The following POFUT3 variants were observed in gnomAD, a reference collection of about 807,000 sequenced individuals.
The protein encoded by POFUT3 is GDP-fucose protein O-fucosyltransferase 3.
the POFUT3 span, among the ~76,000 whole-genome samples, chr8:33,434,585 C>CT: frequency 1.3e-5 from 2 of 152,086 alleles, no homozygotes; most frequent in South Asian, 2.1e-4. Flanking sequence ...AAGCTATTAC[C>CT]TTTTTTCCCC....
the POFUT3 span, among the ~76,000 whole-genome samples, chr8:33,436,110 G>T: frequency 1.3e-5 from 2 of 152,092 alleles, no homozygotes; most frequent in African/African-American, 4.8e-5. Flanking sequence ...CAGGAAAATG[G>T]GCAGGAGAGG....
the POFUT3 span, among the ~76,000 whole-genome samples, chr8:33,424,051 C>T: frequency 6.6e-6 from 1 of 151,422 alleles, no homozygotes; most frequent in East Asian, 1.9e-4. Flanking sequence ...AGGCAGGAGA[C>T]TTGCTTGAAC....
At chr8:33,410,736 G>A in the POFUT3 span, among the ~76,000 whole-genome samples, 2 of 152,114 alleles carry the variant, frequency 1.3e-5, no homozygotes, top group African/African-American at 4.8e-5. Flanking sequence ...TTATTTCCCG[G>A]TTGGGAAATG....
chr8:33,310,682 C>T, the POFUT3 span, among the ~76,000 whole-genome samples: 8 of 142,256 alleles, frequency 5.6e-5, no homozygotes, highest in Non-Finnish European at 1.2e-4. Context: ...CAGAGCAAGA[C>T]TCCATCTCAA....
At chr8:33,460,288 G>A in the POFUT3 span, among the ~76,000 whole-genome samples, 9 of 152,070 alleles carry the variant, frequency 5.9e-5, no homozygotes, top group Admixed American at 1.3e-4. Flanking sequence ...CAGGGAGGTC[G>A]AGGCTGCAGT....
chr8:33,468,689 G>A, the POFUT3 span, among the ~76,000 whole-genome samples: 3 of 152,154 alleles, frequency 2.0e-5, no homozygotes, highest in African/African-American at 7.2e-5. Flanking sequence ...ATTTCTGCCT[G>A]ATTACTCCAA....
the POFUT3 span, among the ~76,000 whole-genome samples, chr8:33,335,062 G>A: frequency 2.0e-5 from 3 of 151,904 alleles, 1 homozygote; most frequent in African/African-American, 7.3e-5. Context: ...TAAAAATAAG[G>A]CATCTGAAAT....
At chr8:33,406,661 T>C in the POFUT3 span, among the ~76,000 whole-genome samples, 1 of 151,964 alleles carries the variant, frequency 6.6e-6, no homozygotes, top group African/African-American at 2.4e-5. Flanking sequence ...TTTGAACTCC[T>C]GCGCTCAAAC....
At chr8:33,328,449 G>C in the POFUT3 span, among the ~76,000 whole-genome samples, 7 of 152,268 alleles carry the variant, frequency 4.6e-5, no homozygotes, top group Admixed American at 3.9e-4. Context: ...AGGAAAACAG[G>C]TGGAAAACAG....
chr8:33,323,229 T>C, the POFUT3 span, among the ~76,000 whole-genome samples: 1 of 152,214 alleles, frequency 6.6e-6, no homozygotes, highest in African/African-American at 2.4e-5. Context: ...ACTGTGTGTC[T>C]TGATGATGCG....
At chr8:33,404,704 T>A in the POFUT3 span, among the ~76,000 whole-genome samples, 1 of 151,762 alleles carries the variant, frequency 6.6e-6, no homozygotes, top group Non-Finnish European at 1.5e-5. Flanking sequence ...GTCTGCATAC[T>A]GGTGTTAAAA....
the POFUT3 span, among the ~76,000 whole-genome samples, chr8:33,427,153 A>ACT: frequency 6.6e-6 from 1 of 152,150 alleles, no homozygotes; most frequent in Non-Finnish European, 1.5e-5. Flanking sequence ...AACATCTAAT[A>ACT]CGGAAGCAAA....
At chr8:33,324,432 A>G in the POFUT3 span, among the ~76,000 whole-genome samples, 3 of 152,242 alleles carry the variant, frequency 2.0e-5, no homozygotes, top group African/African-American at 7.2e-5. Flanking sequence ...TGTACATGTA[A>G]GATAATCTCA....
At chr8:33,328,380 AC>A in the POFUT3 span, among the ~76,000 whole-genome samples, 3 of 139,110 alleles carry the variant, frequency 2.2e-5, no homozygotes, top group Non-Finnish European at 3.1e-5. Flanking sequence ...AAAAACAAAA[AC>A]AAAAAACAAA....
chr8:33,355,899 C>T, the POFUT3 span, among the ~76,000 whole-genome samples: 2 of 152,066 alleles, frequency 1.3e-5, no homozygotes, highest in African/African-American at 4.8e-5. Flanking sequence ...TCAATTCCCA[C>T]CTATGAGTAA....
the POFUT3 span, among the ~76,000 whole-genome samples, chr8:33,446,372 T>C: frequency 6.7e-6 from 1 of 148,860 alleles, no homozygotes; most frequent in Non-Finnish European, 1.5e-5. Flanking sequence ...CACGAGAATC[T>C]CTCGAACACA....
chr8:33,453,239 A>G, the POFUT3 span: 1 of 1,614,222 alleles, frequency 6.2e-7, no homozygotes, highest in Non-Finnish European at 8.5e-7. Context: ...TGCTTTGGTC[A>G]TGTGATGATG....
chr8:33,408,691 C>CA, the POFUT3 span, among the ~76,000 whole-genome samples: 1 of 151,746 alleles, frequency 6.6e-6, no homozygotes, highest in Non-Finnish European at 1.5e-5. Flanking sequence ...AGATGCCAGA[C>CA]AAAAAAGAGA....
At chr8:33,400,597 T>C in the POFUT3 span, among the ~76,000 whole-genome samples, 1 of 152,202 alleles carries the variant, frequency 6.6e-6, no homozygotes, top group East Asian at 1.9e-4. Context: ...AAGGCTTTCT[T>C]ATACCTAGAC....
Sources: allele counts gnomAD v4.1 joint callset (sites outside exome capture counted in the v4.1 genomes callset), GRCh38; gene constraint gnomAD v4.1.1; transcripts MANE v1.5; gene names NCBI Gene and HGNC (gene_info 2026-07-23, HGNC 2026-07-21).